Variants in ERCC6L2 observed in about 807,000 individuals in gnomAD.
ERCC6L2 encodes the protein DNA excision repair protein ERCC-6-like 2.
A neutral mutation model predicts 132.0 loss-of-function variants in ERCC6L2; 77 were observed. The observed-to-expected ratio is 0.58, with a 90% CI of 0.49 to 0.71. The LOEUF is 0.71. ERCC6L2 is among the 30% of genes least tolerant of loss of function. ERCC6L2 has a pLI of 0.00. For synonymous variants in ERCC6L2, 583 were observed against 632.4 expected, an observed-to-expected ratio of 0.92 and a Z score of 1.17; for missense variants, 1,542 against 1,837.6, an observed-to-expected ratio of 0.84 and a Z score of 2.94.
chr9:95,913,035 G>A (rs147919061), intron 4 of ERCC6L2, among the ~76,000 whole-genome samples: 258 of 152,226 alleles, frequency 1.7e-3, no homozygotes, highest in African/African-American at 5.9e-3. Context: ...AGGTTAAGAA[G>A]GTTACCATCA....
intron 1 of ERCC6L2, among the ~76,000 whole-genome samples, chr9:95,877,370 T>C (rs964740028): frequency 6.6e-6 from 1 of 151,930 alleles, no homozygotes; most frequent in Non-Finnish European, 1.5e-5. Context: ...TGTACACTTA[T>C]CTGAGATACA....
At chr9:95,908,841 G>A (rs574714743) in intron 4 of ERCC6L2, among the ~76,000 whole-genome samples, 1 of 152,080 alleles carries the variant, frequency 6.6e-6, no homozygotes. Context: ...AAAGTCAACC[G>A]AAGTTTAGAA....
At chr9:95,878,302 C>G (rs1292345146) in intron 1 of ERCC6L2, among the ~76,000 whole-genome samples, 2 of 152,168 alleles carry the variant, frequency 1.3e-5, no homozygotes, top group Non-Finnish European at 2.9e-5. Flanking sequence ...ATAACTGACT[C>G]TAGAGAAAAT....
chr9:95,957,726 C>G (rs1200765264), intron 13 of ERCC6L2, among the ~76,000 whole-genome samples: 1 of 151,764 alleles, frequency 6.6e-6, no homozygotes, highest in East Asian at 1.9e-4. Flanking sequence ...TTATATGACA[C>G]AAATAAAGAT....
At chr9:95,918,415 A>G in intron 6 of ERCC6L2, 1 of 398,322 alleles carries the variant, frequency 2.5e-6, no homozygotes, top group Non-Finnish European at 5.0e-6. Context: ...ATACTGAAGG[A>G]ACAAGAAAAC....
At chr9:95,968,884 A>T (rs1179139075) in intron 14 of ERCC6L2, 1 of 152,200 alleles carries the variant, frequency 6.6e-6, no homozygotes, top group African/African-American at 2.4e-5. Flanking sequence ...GATAAACAAT[A>T]AATAAGTGAA....
intron 3 of ERCC6L2, among the ~76,000 whole-genome samples, chr9:95,899,661 T>C (rs960140011): frequency 4.0e-5 from 6 of 149,878 alleles, no homozygotes; most frequent in Non-Finnish European, 8.9e-5. Flanking sequence ...ATGTATCATA[T>C]CACACACACA....
At chr9:95,941,571 A>T in intron 12 of ERCC6L2, 22 bp downstream of exon 12, 1 of 1,502,206 alleles carries the variant, frequency 6.7e-7, no homozygotes, top group Non-Finnish European at 9.3e-7. Flanking sequence ...ACAAAATTTA[A>T]AGTGATCTGC....
At position 95,972,081 on chromosome 9, in the gene ERCC6L2, A is replaced by T; in HGVS notation, c.2330A>T (p.Asp777Val). Reference sequence around the variant, plus strand: ...AAGACTGCCAAAAACAAAGCACCCGATTCAAGTAAAGCTTCCAGCTCTCCA... The same window carrying T: ...AAGACTGCCAAAAACAAAGCACCCGTTTCAAGTAAAGCTTCCAGCTCTCCA... ...GIKTAKNKAP[D>V]SSKASSSPGQ... The change falls in exon 16 of 19, where the codon GAT (aspartate) becomes GTT (valine). Residue 777 changes from aspartate (D) to valine (V), a missense_variant. Asp to Val is a radical substitution (Grantham distance 152). Transcript: ENST00000653738. 3 of 1,304,262 alleles carry T rather than the reference A, an allele frequency of 2.3e-6. No homozygotes were observed. The highest frequency in any genetic ancestry group is 3.0e-6 in the Non-Finnish European group (3 of 988,944). The allele number at this position is 1,304,262 out of a possible 1,614,324, so 80.8% of individuals were successfully genotyped here.
At chr9:95,925,778 A>G (rs1033502619) in intron 9 of ERCC6L2, among the ~76,000 whole-genome samples, 1 of 152,192 alleles carries the variant, frequency 6.6e-6, no homozygotes, top group African/African-American at 2.4e-5. Flanking sequence ...TCCTTGGTTT[A>G]AAATGTTAAT....
intron 1 of ERCC6L2, chr9:95,876,496 C>T (rs1419798563): frequency 6.0e-6 from 1 of 167,456 alleles, no homozygotes; most frequent in Non-Finnish European, 1.3e-5. Flanking sequence ...TAGTGAATGG[C>T]AGAAGTTTGT....
chr9:96,016,610 A>C lies in ERCC6L2; in HGVS notation c.*3407A>C, dbSNP rs1423465087. 6.6e-6 allele frequency among the ~76,000 whole-genome samples: 1 copy of C among 152,258 alleles called. No homozygotes were observed. The highest frequency in any genetic ancestry group is 6.5e-5 in the Admixed American group (1 of 15,288). ...TCAAGGCAAAGAAGCCTTAGTTTGC[A>C]GAGATGATGATAAACTTTTCATCCT... On this transcript the variant is annotated 3_prime_UTR_variant, in exon 19 of 19. Coordinates refer to ENST00000653738, the MANE Select transcript of ERCC6L2 (RefSeq NM_020207.7).
chr9:95,998,012 T>C (rs1223447630), intron 17 of ERCC6L2, among the ~76,000 whole-genome samples: 1 of 152,224 alleles, frequency 6.6e-6, no homozygotes, highest in African/African-American at 2.4e-5. Context: ...ATATTGTTTT[T>C]CAAAAGACAA....
rs1293456849 is a variant in ERCC6L2, at chr9:96,017,038, C to T, written c.*3835C>T. Among the ~76,000 whole-genome samples the T allele has an allele frequency of 6.6e-6, 1 of 152,208 alleles. No homozygotes were observed. Among genetic ancestry groups the T allele is most frequent in the African/African-American group, 2.4e-5 (1 of 41,442 alleles). ...GTCAGCCCCAATGACAGGCACACAC[C>T]TTCAAAGAGCAAGAGTGCCCATCAC... On this transcript the variant is annotated 3_prime_UTR_variant, in exon 19 of 19. Transcript: ENST00000653738.
At chr9:95,898,373 G>A (rs561641337) in intron 3 of ERCC6L2, among the ~76,000 whole-genome samples, 6 of 152,178 alleles carry the variant, frequency 3.9e-5, no homozygotes, top group Admixed American at 6.5e-5. Flanking sequence ...ACAAAAGTGC[G>A]TCATTGACTT....
chr9:95,941,417 T>C (rs369925497), intron 11 of ERCC6L2, 37 bp from the exon 12 acceptor site: 3 of 1,482,696 alleles, frequency 2.0e-6, no homozygotes, highest in African/African-American at 1.4e-5. Context: ...TAGTTTTTGC[T>C]GTTCTAATGT....
rs10638463 is a variant in ERCC6L2, at chr9:96,033,251, G to GTTT, written c.*1504-5616_*1504-5614dup. On this transcript the variant is annotated intron_variant and NMD_transcript_variant, in intron 19 of 20. Coordinates refer to the ERCC6L2 transcript ENST00000670016. ...AGGAAACCATAAATGATTCTGGGTT[G>GTTT]TTTTTTTTTTTGAGACGGAGTTTTA... 1.2e-4 allele frequency among the ~76,000 whole-genome samples: 17 copies of GTTT among 147,782 alleles called. No homozygotes were observed. The East Asian group carries it at 1.8e-3, about 15-fold the overall frequency.
intron 14 of ERCC6L2, chr9:95,968,229 A>G (rs527293051): frequency 6.6e-6 from 1 of 152,330 alleles, no homozygotes; most frequent in Non-Finnish European, 1.5e-5. Context: ...TAATGACAGG[A>G]CCATCCATGT....
At chr9:95,958,913 G>A (rs999495013) in intron 13 of ERCC6L2, among the ~76,000 whole-genome samples, 1 of 151,394 alleles carries the variant, frequency 6.6e-6, no homozygotes, top group African/African-American at 2.4e-5. Flanking sequence ...CCATGCTCAC[G>A]GATAGGAAGA....
Sources: allele counts gnomAD v4.1 joint callset (sites outside exome capture counted in the v4.1 genomes callset), GRCh38; gene constraint gnomAD v4.1.1; transcripts MANE v1.5; gene names NCBI Gene and HGNC (gene_info 2026-07-23, HGNC 2026-07-21).